Variants in PLEKHB2 observed in about 807,000 individuals in gnomAD.
PLEKHB2 encodes the protein pleckstrin homology domain containing B2, also known as pleckstrin homology domain-containing family B member 2.
Under a neutral mutation model 36.5 loss-of-function variants are expected in PLEKHB2, and 31 were observed. The observed-to-expected ratio is 0.85, with a 90% confidence interval of 0.64 to 1.15. PLEKHB2 has a LOEUF of 1.15. Ranked by LOEUF, PLEKHB2 falls within the 50% of genes most tolerant of loss-of-function variation. The probability of loss-of-function intolerance (pLI) is 0.00; values close to 1 mark genes in which losing one functional copy is unlikely to be tolerated. For missense variants in PLEKHB2, 262 were observed against 295.3 expected (o/e 0.89, Z 0.83); for synonymous variants, 119 against 112.0 (o/e 1.06, Z -0.39).
chr2:131,123,066 C>T (rs149882888), intron 2 of PLEKHB2, among the ~76,000 whole-genome samples: 2 of 152,254 alleles, frequency 1.3e-5, no homozygotes, highest in Non-Finnish European at 2.9e-5. Flanking sequence ...CAATTTTGTC[C>T]TCCCCATCAC....
At chr2:131,119,678 A>G (rs1191149100) in intron 1 of PLEKHB2, among the ~76,000 whole-genome samples, 2 of 152,160 alleles carry the variant, frequency 1.3e-5, no homozygotes, top group Non-Finnish European at 2.9e-5. Context: ...CCCTTTGGAA[A>G]GGTTGCATCA....
intron 4 of PLEKHB2, among the ~76,000 whole-genome samples, chr2:131,130,281 T>C (rs546673906): frequency 1.3e-5 from 2 of 152,250 alleles, no homozygotes; most frequent in East Asian, 3.9e-4. Context: ...TGGGCTCAAG[T>C]GATCCCCCTG....
chr2:131,145,479 G>A (rs1249294724), intron 7 of PLEKHB2, among the ~76,000 whole-genome samples: 2 of 152,098 alleles, frequency 1.3e-5, no homozygotes, highest in African/African-American at 4.8e-5. Flanking sequence ...ACAGGCATGC[G>A]CCACTACCCC....
intron 6 of PLEKHB2, among the ~76,000 whole-genome samples, chr2:131,134,173 A>C (rs1698004034): frequency 6.6e-6 from 1 of 151,740 alleles, no homozygotes; most frequent in Non-Finnish European, 1.5e-5. Context: ...TGCTGGGATT[A>C]CAGGTGTCAG....
At chr2:131,138,285 T>C (rs1468168620) in intron 6 of PLEKHB2, among the ~76,000 whole-genome samples, 1 of 152,200 alleles carries the variant, frequency 6.6e-6, no homozygotes, top group Non-Finnish European at 1.5e-5. Context: ...TTATGGTAGA[T>C]ACTTTAAATT....
In PLEKHB2 at chr2:131,111,739, C is replaced by G. The variant is rs142371849; in HGVS notation, c.-9+6341C>G. ...CTCCTGACCTCAAGTGATCTACTCTCCTCGGCCTCCTAAAGTGTTGGGATT... is the reference window on the plus strand; with the variant it reads ...CTCCTGACCTCAAGTGATCTACTCTGCTCGGCCTCCTAAAGTGTTGGGATT... On this transcript the variant is annotated intron_variant, in intron 1 of 7. Coordinates refer to ENST00000693505, the MANE Select transcript of PLEKHB2 (RefSeq NM_001100623.2). Among the ~76,000 whole-genome samples the G allele has an allele frequency of 6.2e-3, 948 of 152,210 alleles. 7 individuals are homozygous for G. Among genetic ancestry groups the G allele is most frequent in the Non-Finnish European group, 9.8e-3 (666 of 68,004 alleles).
At chr2:131,145,152 C>G (rs867302022) in intron 7 of PLEKHB2, among the ~76,000 whole-genome samples, 3 of 152,098 alleles carry the variant, frequency 2.0e-5, no homozygotes, top group Non-Finnish European at 2.9e-5. Flanking sequence ...CCCTTACTGT[C>G]CTTAACTGCT....
chr2:131,128,242 A>G (rs1697292922), intron 4 of PLEKHB2, among the ~76,000 whole-genome samples: 1 of 152,190 alleles, frequency 6.6e-6, no homozygotes, highest in African/African-American at 2.4e-5. Context: ...CTCATACTTT[A>G]TGAGAGCAAA....
intron 4 of PLEKHB2, among the ~76,000 whole-genome samples, chr2:131,128,881 A>AC (rs1188810098): frequency 6.6e-6 from 1 of 152,218 alleles, no homozygotes; most frequent in East Asian, 1.9e-4. Flanking sequence ...CAAAGTCCCT[A>AC]CTAGACTCTT....
rs750272425 is a variant in PLEKHB2 at position 131,130,771 on chromosome 2, A to G, written c.333+11A>G. The G allele has an allele frequency of 6.9e-6, 11 of 1,603,302 alleles. No homozygotes were observed. The highest frequency in any genetic ancestry group is 8.5e-6 in the Non-Finnish European group (10 of 1,170,738). ...TCTAGGACAAACACAGTAAGTTGCT[A>G]ATGGCAATCACCAATAATTTTTTTT... is the stretch of plus-strand genomic sequence containing the variant. On this transcript the variant is annotated intron_variant, in intron 5 of 7. Transcript: ENST00000693505.
chr2:131,114,251 G>A (rs916355660), intron 1 of PLEKHB2, among the ~76,000 whole-genome samples: 1 of 152,002 alleles, frequency 6.6e-6, no homozygotes, highest in South Asian at 2.1e-4. Context: ...TCAGCCTCCC[G>A]AGTAGCTGGG....
At chr2:131,123,770 C>T (rs1573565394) in intron 2 of PLEKHB2, among the ~76,000 whole-genome samples, 3 of 37,826 alleles carry the variant, frequency 7.9e-5, no homozygotes, top group South Asian at 1.5e-3. Flanking sequence ...TGGTCCACCC[C>T]CCCCACCCCC....
At position 131,146,777 on chromosome 2, in the gene PLEKHB2, C is replaced by T. The variant is rs371907941; in HGVS notation, c.*4C>T. 6.3e-7 allele frequency: 1 copy of T among 1,596,404 alleles called. No individual in the cohort carries two copies. The highest frequency in any genetic ancestry group is 8.5e-7 in the Non-Finnish European group (1 of 1,171,184). ...GTCTCTATTTTGGGTCTTCTAGGGGCCTCAAGGTCTTGATGTGCATAGCTT... is the reference window on the plus strand; with the variant it reads ...GTCTCTATTTTGGGTCTTCTAGGGGTCTCAAGGTCTTGATGTGCATAGCTT... On this transcript the variant is annotated 3_prime_UTR_variant, in exon 8 of 8. Transcript: ENST00000693505.
intron 1 of PLEKHB2, among the ~76,000 whole-genome samples, chr2:131,111,575 C>T (rs1057015858): frequency 1.1e-4 from 16 of 150,782 alleles, no homozygotes; most frequent in African/African-American, 3.4e-4. Flanking sequence ...ACTGCAAGCT[C>T]CGCCTCCCGG....
chr2:131,120,424 T>C (rs1163936374), intron 1 of PLEKHB2: 2 of 158,166 alleles, frequency 1.3e-5, no homozygotes, highest in Non-Finnish European at 2.8e-5. Flanking sequence ...TTAACTTTTT[T>C]TCCATACAGA....
chr2:131,145,024 G>A (rs1699143332), intron 7 of PLEKHB2, among the ~76,000 whole-genome samples: 1 of 152,132 alleles, frequency 6.6e-6, no homozygotes, highest in Non-Finnish European at 1.5e-5. Context: ...TTAGATTTAC[G>A]ATGGTTTCAT....
intron 6 of PLEKHB2, among the ~76,000 whole-genome samples, chr2:131,135,161 T>A (rs1698111838): frequency 6.6e-6 from 1 of 152,044 alleles, no homozygotes; most frequent in African/African-American, 2.4e-5. Context: ...ACCCTCCGCC[T>A]CCTGGGTTCA....
chr2:131,120,965 G>T lies in PLEKHB2; in HGVS notation c.24G>T (p.Trp8Cys). The T allele has an allele frequency of 3.7e-6, 6 of 1,614,218 alleles. No homozygotes were observed. Among genetic ancestry groups the T allele is most frequent in the Non-Finnish European group, 5.1e-6 (6 of 1,180,006 alleles). The change falls in exon 2 of 8, where the codon TGG (tryptophan) becomes TGT (cysteine). Residue 8 changes from tryptophan (W) to cysteine (C), a missense_variant. Physicochemically the swap from Trp to Cys is radical, Grantham distance 215 (BLOSUM62 -2). Transcript: ENST00000693505. ...AGATGGCGTTTGTGAAGAGTGGCTG[G>T]TTGCTGCGACAGAGTGAGTACAGGA... MAFVKSG[W>C]LLRQSTILKR... is the part of the protein sequence containing the mutation.
At chr2:131,145,579 C>A (rs1699201310) in intron 7 of PLEKHB2, among the ~76,000 whole-genome samples, 1 of 152,132 alleles carries the variant, frequency 6.6e-6, no homozygotes, top group Non-Finnish European at 1.5e-5. Context: ...AAGTGATCCA[C>A]CTGCCTCAGC....
Sources: gnomAD v4.1 joint callset for allele counts (sites outside exome capture counted in the v4.1 genomes callset) on GRCh38, gnomAD v4.1.1 for gene constraint, MANE v1.5 for transcripts, NCBI Gene and HGNC (gene_info 2026-07-23, HGNC 2026-07-21) for gene names.